Variants in CEP112 observed in about 807,000 individuals in gnomAD.
CEP112 encodes centrosomal protein 112, also known as centrosomal protein of 112 kDa.
CEP112 carries 127 observed loss-of-function variants against 153.0 expected under a neutral mutation model. The ratio of observed to expected loss-of-function variants is 0.83; its 90% CI spans 0.72 to 0.96. The LOEUF is 0.96. Ranked by LOEUF, CEP112 falls within the 40% of genes least tolerant of loss-of-function variation. CEP112 has a pLI of 0.00. For missense variants in CEP112, 1,089 were observed against 1,101.2 expected (o/e 0.99, Z 0.16); for synonymous variants, 358 against 374.4 (o/e 0.96, Z 0.51).
intron 1 of CEP112, among the ~76,000 whole-genome samples, chr17:66,190,191 C>T (rs1296220718): frequency 6.6e-6 from 1 of 151,950 alleles, no homozygotes; most frequent in African/African-American, 2.4e-5. Flanking sequence ...CACCTGTAAT[C>T]CCAGCTACTC....
chr17:66,039,331 A>G (rs1568417684), intron 12 of CEP112, among the ~76,000 whole-genome samples: 1 of 152,164 alleles, frequency 6.6e-6, no homozygotes, highest in Non-Finnish European at 1.5e-5. Context: ...GGAGTTAAAA[A>G]TTAAAAAGGG....
intron 20 of CEP112, among the ~76,000 whole-genome samples, chr17:65,882,850 T>C (rs2059134998): frequency 6.6e-6 from 1 of 152,180 alleles, no homozygotes; most frequent in Non-Finnish European, 1.5e-5. Context: ...TAAAACAAGT[T>C]GGTGGCTTCT....
At chr17:65,701,898 G>GTTTTT (rs869242758) in intron 23 of CEP112, among the ~76,000 whole-genome samples, 8 of 116,058 alleles carry the variant, frequency 6.9e-5, no homozygotes, top group African/African-American at 9.7e-5. Context: ...TTTTTTTTTT[G>GTTTTT]TTTTTTTTTT....
intron 21 of CEP112, among the ~76,000 whole-genome samples, chr17:65,775,122 G>A (rs2053602541): frequency 6.6e-6 from 1 of 152,058 alleles, no homozygotes; most frequent in African/African-American, 2.4e-5. Context: ...ATCAGCATTT[G>A]ACCATCTTTT....
At position 66,132,678 on chromosome 17, in the gene CEP112, T is replaced by C. The variant is rs762500713; in HGVS notation, c.556A>G (p.Lys186Glu). Residue 186 changes from lysine to glutamate, a missense_variant, in exon 5 of 27, where the codon AAG (lysine) becomes GAG (glutamate). By Grantham distance (56) the Lys-to-Glu change is moderately conservative (BLOSUM62 1). Coordinates refer to ENST00000535342, the MANE Select transcript of CEP112 (RefSeq NM_001199165.4). ...GTAAAATCTAATCTTACACAAATCT[T>C]TGGGGTAATATTTTGTCCATCTTCT... ...HREDGQNITP[K>E]ICEVYSKKSP... 21 of 1,609,396 alleles carry C rather than the reference T, an allele frequency of 1.3e-5. No individual in the cohort carries two copies. The highest frequency in any genetic ancestry group is 6.0e-6 in the Non-Finnish European group (7 of 1,175,872).
intron 21 of CEP112, among the ~76,000 whole-genome samples, chr17:65,841,936 G>A (rs2057535700): frequency 1.3e-5 from 2 of 151,510 alleles, no homozygotes; most frequent in South Asian, 2.1e-4. Context: ...GAGACTTAGG[G>A]CACAAATATC....
intron 18 of CEP112, among the ~76,000 whole-genome samples, chr17:65,932,160 G>GC (rs2061148726): frequency 6.6e-6 from 1 of 152,154 alleles, no homozygotes; most frequent in Non-Finnish European, 1.5e-5. Flanking sequence ...ATAACAGGCA[G>GC]CAGCCCCTCG....
At chr17:65,876,784 T>A (rs1235929413) in intron 20 of CEP112, among the ~76,000 whole-genome samples, 1 of 152,102 alleles carries the variant, frequency 6.6e-6, no homozygotes, top group African/African-American at 2.4e-5. Context: ...ATTCTTGATA[T>A]CAATTTTGGC....
At chr17:65,689,482 C>T (rs2047989892) in intron 23 of CEP112, among the ~76,000 whole-genome samples, 1 of 152,150 alleles carries the variant, frequency 6.6e-6, no homozygotes, top group African/African-American at 2.4e-5. Context: ...ATATTCCCAG[C>T]ACAGAACCAC....
chr17:66,027,622 GCAAC>G, intron 15 of CEP112, 62 bp from the exon 16 acceptor site: 1 of 1,052,880 alleles, frequency 9.5e-7, no homozygotes, highest in Non-Finnish European at 1.3e-6. Context: ...AATAAAATTA[GCAAC>G]CTAATTAAAT....
intron 20 of CEP112, among the ~76,000 whole-genome samples, chr17:65,894,390 G>A (rs1409444280): frequency 6.6e-6 from 1 of 151,896 alleles, no homozygotes; most frequent in Non-Finnish European, 1.5e-5. Context: ...TTATACCCTT[G>A]TATCGGTATG....
intron 11 of CEP112, among the ~76,000 whole-genome samples, chr17:66,055,796 T>A (rs2319123): frequency 0.41 from 62,501 of 152,018 alleles, 14,316 homozygotes; most frequent in East Asian, 0.87. Flanking sequence ...AAAATGGCAC[T>A]GGCAAAAACA....
intron 20 of CEP112, among the ~76,000 whole-genome samples, chr17:65,863,434 T>C (rs936695920): frequency 1.3e-5 from 2 of 152,094 alleles, no homozygotes; most frequent in East Asian, 1.9e-4. Flanking sequence ...GAATGGTGTG[T>C]CATGAGCACG....
chr17:65,803,939 T>C (rs573763402), intron 21 of CEP112, among the ~76,000 whole-genome samples: 7 of 152,322 alleles, frequency 4.6e-5, no homozygotes, highest in African/African-American at 1.4e-4. Context: ...CAATATATCC[T>C]AGATGTAGAC....
chr17:65,972,646 A>G (rs1024746055), intron 17 of CEP112, among the ~76,000 whole-genome samples: 1 of 152,254 alleles, frequency 6.6e-6, no homozygotes, highest in African/African-American at 2.4e-5. Flanking sequence ...GGCTGGTCAG[A>G]AAAAAAGAAA....
At chr17:66,075,194 T>C (rs2067446014) in intron 8 of CEP112, among the ~76,000 whole-genome samples, 1 of 152,194 alleles carries the variant, frequency 6.6e-6, no homozygotes, top group Non-Finnish European at 1.5e-5. Flanking sequence ...TATTTAAAGA[T>C]AATACAACAA....
intron 20 of CEP112, among the ~76,000 whole-genome samples, chr17:65,870,077 GAA>G (rs1173786781): frequency 1.7e-4 from 25 of 147,862 alleles, no homozygotes; most frequent in African/African-American, 6.3e-4. Flanking sequence ...AAGAAAGAAA[GAA>G]AGAAAAGAAA....
At chr17:66,049,841 ACT>A (rs750443744) in intron 12 of CEP112, among the ~76,000 whole-genome samples, 6 of 152,184 alleles carry the variant, frequency 3.9e-5, no homozygotes, top group Non-Finnish European at 5.9e-5. Flanking sequence ...AGCAGGAGTA[ACT>A]CTACCAAAGA....
At chr17:65,876,563 T>C (rs990065447) in intron 20 of CEP112, among the ~76,000 whole-genome samples, 2 of 152,198 alleles carry the variant, frequency 1.3e-5, no homozygotes, top group African/African-American at 2.4e-5. Flanking sequence ...TCTTTTGTGA[T>C]GCTGGTACTT....
Sources: allele counts gnomAD v4.1 joint callset (sites outside exome capture counted in the v4.1 genomes callset), GRCh38; gene constraint gnomAD v4.1.1; transcripts MANE v1.5; gene names NCBI Gene and HGNC (gene_info 2026-07-23, HGNC 2026-07-21).